BRINP3: variants seen among roughly 807,000 people sequenced by gnomAD.
The protein encoded by BRINP3 is BMP/retinoic acid inducible neural specific 3, also known as BMP/retinoic acid-inducible neural-specific protein 3.
BRINP3 carries 19 observed loss-of-function variants against 71.0 expected under a neutral mutation model. That is an observed-to-expected ratio of 0.27 (90% CI 0.19 to 0.39). BRINP3 has a LOEUF of 0.39. BRINP3 is among the 10% of genes least tolerant of loss of function. The probability of loss-of-function intolerance (pLI) is 1.00; values close to 1 mark genes in which losing one functional copy is unlikely to be tolerated. For synonymous variants in BRINP3, 380 were observed against 337.7 expected, an observed-to-expected ratio of 1.13 and a Z score of -1.37; for missense variants, 959 against 940.8, an observed-to-expected ratio of 1.02 and a Z score of -0.25.
chr1:190,449,437 A>G (rs1045528268), intron 2 of BRINP3, among the ~76,000 whole-genome samples: 2 of 151,854 alleles, frequency 1.3e-5, no homozygotes, highest in Non-Finnish European at 2.9e-5. Flanking sequence ...TAAGATATTT[A>G]TTTCTTTCGT....
At chr1:190,267,376 TA>T (rs1661746891) in intron 3 of BRINP3, among the ~76,000 whole-genome samples, 1 of 152,106 alleles carries the variant, frequency 6.6e-6, no homozygotes, top group East Asian at 1.9e-4. Flanking sequence ...GAAAATTCCC[TA>T]TTGTATAATA....
chr1:190,353,161 C>G (rs1375537554), intron 2 of BRINP3, among the ~76,000 whole-genome samples: 3 of 151,828 alleles, frequency 2.0e-5, no homozygotes, highest in African/African-American at 7.2e-5. Flanking sequence ...ATATTTCTGG[C>G]CTTTTTATAA....
At chr1:190,239,986 A>AT (rs777864714) in intron 4 of BRINP3, among the ~76,000 whole-genome samples, 84 of 148,978 alleles carry the variant, frequency 5.6e-4, no homozygotes, top group Middle Eastern at 5.7e-3. Flanking sequence ...AGAATACGTC[A>AT]TTTTTTTTTT....
chr1:190,410,658 C>T (rs575192322), intron 2 of BRINP3, among the ~76,000 whole-genome samples: 18 of 151,998 alleles, frequency 1.2e-4, no homozygotes, highest in African/African-American at 3.4e-4. Flanking sequence ...AAGACTAAAT[C>T]GTTTTAGAAG....
intron 7 of BRINP3, among the ~76,000 whole-genome samples, chr1:190,127,316 C>T (rs1654165858): frequency 6.6e-6 from 1 of 151,608 alleles, no homozygotes; most frequent in Non-Finnish European, 1.5e-5. Flanking sequence ...TAAATGTGGT[C>T]AATAATATAA....
intron 2 of BRINP3, among the ~76,000 whole-genome samples, chr1:190,318,720 C>G: frequency 6.6e-6 from 1 of 151,962 alleles, no homozygotes; most frequent in East Asian, 1.9e-4. Context: ...GGACATACTC[C>G]TGACTGGTTC....
intron 7 of BRINP3, among the ~76,000 whole-genome samples, chr1:190,101,150 C>T (rs1044585423): frequency 6.6e-6 from 1 of 152,032 alleles, no homozygotes; most frequent in Non-Finnish European, 1.5e-5. Context: ...TTATAATTAC[C>T]GAGTCTGTGA....
chr1:190,339,407 C>T (rs3860305), intron 2 of BRINP3, among the ~76,000 whole-genome samples: 1 of 151,886 alleles, frequency 6.6e-6, no homozygotes, highest in Non-Finnish European at 1.5e-5. Context: ...AGTATCTGTA[C>T]AAGCTGCACT....
chr1:190,347,431 C>T (rs537292818), intron 2 of BRINP3, among the ~76,000 whole-genome samples: 215 of 150,194 alleles, frequency 1.4e-3, no homozygotes, highest in Non-Finnish European at 2.6e-3. Context: ...TGAGCCACCG[C>T]GCCCAGCTGA....
chr1:190,452,373 T>C (rs1263623588), intron 2 of BRINP3, among the ~76,000 whole-genome samples: 1 of 152,198 alleles, frequency 6.6e-6, no homozygotes, highest in Non-Finnish European at 1.5e-5. Flanking sequence ...ACATGTTTAT[T>C]CAAGCCACAA....
chr1:190,112,155 C>A (rs2102285441), intron 7 of BRINP3, among the ~76,000 whole-genome samples: 1 of 152,132 alleles, frequency 6.6e-6, no homozygotes, highest in South Asian at 2.1e-4. Context: ...AAAGTAGTAA[C>A]AACATGGGAG....
intron 2 of BRINP3, among the ~76,000 whole-genome samples, chr1:190,322,933 G>A (rs138688400): frequency 6.6e-6 from 1 of 151,980 alleles, no homozygotes; most frequent in Non-Finnish European, 1.5e-5. Flanking sequence ...CTTTTAAAGA[G>A]CGGGTGATGC....
At chr1:190,301,975 A>G (rs1664771822) in intron 2 of BRINP3, among the ~76,000 whole-genome samples, 2 of 151,718 alleles carry the variant, frequency 1.3e-5, no homozygotes, top group African/African-American at 4.8e-5. Flanking sequence ...TTGTATATAG[A>G]TAGAAGCATT....
intron 2 of BRINP3, among the ~76,000 whole-genome samples, chr1:190,449,140 G>A (rs1010697564): frequency 6.6e-6 from 1 of 151,888 alleles, no homozygotes; most frequent in African/African-American, 2.4e-5. Context: ...ACATTTCCTT[G>A]AAATTTTAAA....
At chr1:190,350,047 C>T (rs933810146) in intron 2 of BRINP3, among the ~76,000 whole-genome samples, 9 of 152,056 alleles carry the variant, frequency 5.9e-5, no homozygotes, top group African/African-American at 2.2e-4. Context: ...CCAGAATTAA[C>T]ATTAGCATTT....
intron 3 of BRINP3, among the ~76,000 whole-genome samples, chr1:190,275,157 G>A (rs1380527657): frequency 1.3e-5 from 2 of 151,494 alleles, no homozygotes; most frequent in Non-Finnish European, 3.0e-5. Context: ...GAAATAAATC[G>A]CTCTGAGGTT....
At chr1:190,358,259 C>T (rs931236063) in intron 2 of BRINP3, among the ~76,000 whole-genome samples, 2 of 152,132 alleles carry the variant, frequency 1.3e-5, no homozygotes, top group African/African-American at 4.8e-5. Context: ...GCAATCTACT[C>T]ATCTGACAAA....
chr1:190,157,644 C>T (rs929968337), intron 7 of BRINP3, among the ~76,000 whole-genome samples: 8 of 151,958 alleles, frequency 5.3e-5, no homozygotes, highest in African/African-American at 1.9e-4. Flanking sequence ...AAGCATAAGG[C>T]TCATTATAAT....
chr1:190,190,218 G>C (rs17481), intron 6 of BRINP3, among the ~76,000 whole-genome samples: 93,218 of 151,866 alleles, frequency 0.61, 29,999 homozygotes, highest in African/African-American at 0.83. Flanking sequence ...TCAGGTTTTT[G>C]CAAATGCTGG....
Sources: gnomAD v4.1 joint callset for allele counts (sites outside exome capture counted in the v4.1 genomes callset) on GRCh38, gnomAD v4.1.1 for gene constraint, MANE v1.5 for transcripts, NCBI Gene and HGNC (gene_info 2026-07-23, HGNC 2026-07-21) for gene names.